ZNF708: variants seen among roughly 807,000 people sequenced by gnomAD.
ZNF708 encodes zinc finger protein 708, also known as ZNF15, ZNF15L1.
In ZNF708, 44 loss-of-function variants were observed where a neutral mutation model predicts 47.0. The ratio of observed to expected loss-of-function variants is 0.94; its 90% CI spans 0.74 to 1.20. The LOEUF (loss-of-function observed/expected upper bound fraction) is 1.20, where lower values mean the gene tolerates loss of function less well. ZNF708 is among the 50% of genes most tolerant of loss of function. The pLI is 0.00. For synonymous variants in ZNF708, 184 were observed against 218.5 expected, an observed-to-expected ratio of 0.84 and a Z score of 1.39; for missense variants, 557 against 656.0, an observed-to-expected ratio of 0.85 and a Z score of 1.65.
At chr19:21,296,374 C>T (rs1416906233) in intron 3 of ZNF708, among the ~76,000 whole-genome samples, 3 of 151,898 alleles carry the variant, frequency 2.0e-5, no homozygotes, top group African/African-American at 7.3e-5. Flanking sequence ...TGGTCACGTG[C>T]CCCTGTAATC....
chr19:21,292,618 T>C lies in ZNF708; in HGVS notation c.*656A>G, dbSNP rs598959. On this transcript the variant is annotated 3_prime_UTR_variant, in exon 4 of 4. Transcript: ENST00000356929. ...TGTGATACAAATAAAGGTATTACAA[T>C]CCTCTTTTATTTGTAATGTTTGTCT... 145,656 of 152,448 alleles carry C rather than the reference T, an allele frequency of 0.96. 69,855 individuals carry two copies. The highest frequency in any genetic ancestry group is 1 in the Middle Eastern group (293 of 294). The allele number at this position is 152,448 out of a possible 1,614,324, so 9.4% of individuals were successfully genotyped here.
chr19:21,327,062 GATTAAT>G (rs1376521426), intron 1 of ZNF708, among the ~76,000 whole-genome samples: 4 of 151,890 alleles, frequency 2.6e-5, no homozygotes, highest in Non-Finnish European at 5.9e-5. Context: ...TAAAATACAT[GATTAAT>G]ATTAATTTTT....
Position 21,293,258 on chromosome 19 carries a change from T to C in ZNF708, c.*16A>G. The C allele has an allele frequency of 6.3e-7, 1 of 1,590,174 alleles. No individual in the cohort carries two copies. The highest frequency in any genetic ancestry group is 8.5e-7 in the Non-Finnish European group (1 of 1,170,378). ...GTTTTAATAAAAGTTGAAAATACAC[T>C]AAAGGATTTGACACATTATTTACAT... is the stretch of plus-strand genomic sequence containing the variant. On this transcript the variant is annotated 3_prime_UTR_variant, in exon 4 of 4. Transcript: ENST00000356929.
At chr19:21,309,539 C>A (rs139450392) in intron 2 of ZNF708, among the ~76,000 whole-genome samples, 198 bp from the exon 3 acceptor site, 1 of 151,950 alleles carries the variant, frequency 6.6e-6, no homozygotes, top group Non-Finnish European at 1.5e-5. Flanking sequence ...AAAACCTTGT[C>A]TCTACTGAAA....
chr19:21,321,279 G>C (rs1016154844), intron 1 of ZNF708, among the ~76,000 whole-genome samples: 5 of 152,018 alleles, frequency 3.3e-5, no homozygotes, highest in African/African-American at 1.2e-4. Context: ...AGGCCTACTT[G>C]AGGGTGGAAG....
At chr19:21,298,729 T>C (rs913408732) in intron 3 of ZNF708, among the ~76,000 whole-genome samples, 3 of 152,168 alleles carry the variant, frequency 2.0e-5, no homozygotes, top group African/African-American at 7.2e-5. Context: ...ACATGAACTT[T>C]CACATATATG....
Position 21,294,646 on chromosome 19 carries a change from C to A in ZNF708, c.320G>T (p.Gly107Val), listed in dbSNP as rs1286509212. 12 of 1,613,366 alleles carry A rather than the reference C, an allele frequency of 7.4e-6. No homozygotes were observed. The highest frequency in any genetic ancestry group is 1.0e-5 in the Non-Finnish European group (12 of 1,179,854). Residue 107 changes from glycine to valine, a missense_variant, in exon 4 of 4, where the codon GGA becomes GTA. Coordinates refer to ENST00000356929, the MANE Select transcript of ZNF708 (RefSeq NM_021269.3). ...QVILRRYGKCGYQKGCKSVDE... is the reference protein window; with the variant it reads ...QVILRRYGKCVYQKGCKSVDE... ...CACACTTTTACAGCCTTTCTGATATCCACATTTTCCATATCTTCTCAGTAT... is the reference window on the plus strand; with the variant it reads ...CACACTTTTACAGCCTTTCTGATATACACATTTTCCATATCTTCTCAGTAT...
chr19:21,310,455 ATAAT>A (rs753284972), intron 2 of ZNF708, 42 bp downstream of exon 2: 8 of 791,784 alleles, frequency 1.0e-5, no homozygotes, highest in South Asian at 7.3e-5. Flanking sequence ...AAAAAAAAAA[ATAAT>A]AATAAATAAT....
intron 3 of ZNF708, among the ~76,000 whole-genome samples, chr19:21,300,240 T>C (rs963996356): frequency 6.8e-6 from 1 of 146,248 alleles, no homozygotes; most frequent in East Asian, 2.0e-4. Context: ...CTGGGCACGG[T>C]GGCTCACGCC....
chr19:21,324,273 T>C (rs998558786), intron 1 of ZNF708, among the ~76,000 whole-genome samples: 13 of 145,038 alleles, frequency 9.0e-5, no homozygotes, highest in African/African-American at 3.3e-4. Context: ...GTTTAAAAAA[T>C]CCAGCGTTTC....
Position 21,292,978 on chromosome 19 carries a change from TTTATG to T in ZNF708, c.*291_*295del. ...AAAGTTCCTCACCAGTATGATTTAT[TTTATG>T]TTTAGAAAAGTTTGAGGTGTTGTCA... On this transcript the variant is annotated 3_prime_UTR_variant, in exon 4 of 4. Transcript: ENST00000356929. 1 of 276,320 alleles carries T rather than the reference TTTATG, an allele frequency of 3.6e-6. No homozygotes were observed. Among genetic ancestry groups the T allele is most frequent in the South Asian group, 6.2e-5 (1 of 16,006 alleles). The allele number at this position is 276,320 out of a possible 1,614,324, so 17.1% of individuals were successfully genotyped here.
rs769389106 is a variant in ZNF708 at position 21,294,481 on chromosome 19, T to C, written c.485A>G (p.His162Arg). The C allele has an allele frequency of 4.3e-6, 7 of 1,614,050 alleles. No individual in the cohort carries two copies. Among genetic ancestry groups the C allele is most frequent in the Non-Finnish European group, 5.1e-6 (6 of 1,180,004 alleles). The change falls in exon 4 of 4, where the codon CAT becomes CGT. Residue 162 changes from histidine (H) to arginine (R), a missense_variant. His to Arg is a conservative substitution (Grantham distance 29). Transcript: ENST00000356929. ...ACATTTGAAAGGATTTTTTCCAGTA[T>C]GTCTTATCTTATGTCTCTTTGCATT... ...YSNAKRHKIR[H>R]TGKNPFKCKE...
chr19:21,320,945 T>G (rs1445804456), intron 1 of ZNF708, among the ~76,000 whole-genome samples: 1 of 151,158 alleles, frequency 6.6e-6, no homozygotes, highest in East Asian at 2.0e-4. Context: ...ATCGAGACCA[T>G]CCCAGCTAAT....
intron 1 of ZNF708, among the ~76,000 whole-genome samples, chr19:21,316,469 T>C (rs1973014899): frequency 6.6e-6 from 1 of 152,140 alleles, no homozygotes; most frequent in Admixed American, 6.5e-5. Context: ...ATTCAGAAAT[T>C]GGAGCTGCAG....
In ZNF708 at chr19:21,291,676, C is replaced by T. The variant is rs2145139863; in HGVS notation, c.*1598G>A. On this transcript the variant is annotated 3_prime_UTR_variant, in exon 4 of 4. Transcript: ENST00000356929. ...GGTCAGGAGTTCAAGACTACCCTGA[C>T]CAATATGGTGAAACCCCGTCCCTAC... is the stretch of plus-strand genomic sequence containing the variant. The T allele has an allele frequency of 6.6e-6, 1 of 152,178 alleles. No individual in the cohort carries two copies. Among genetic ancestry groups the T allele is most frequent in the South Asian group, 2.1e-4 (1 of 4,794 alleles). 9.4% of individuals were successfully genotyped at this position (152,178 alleles called of 1,614,324 possible). A position where few individuals can be genotyped will look rare whatever the true frequency, so the allele number is the denominator to read the frequency against.
In ZNF708 at chr19:21,291,307, A is replaced by G. The variant is rs1849484749; in HGVS notation, c.*1967T>C. 1.3e-5 allele frequency: 2 copies of G among 152,170 alleles called. No homozygotes were observed. The highest frequency in any genetic ancestry group is 4.2e-4 in the South Asian group (2 of 4,806). The allele number at this position is 152,170 out of a possible 1,614,324, so 9.4% of individuals were successfully genotyped here. A position where few individuals can be genotyped will look rare whatever the true frequency, so the allele number is the denominator to read the frequency against. ...AAACACCTACCTCATGCACCACTCA[A>G]TATCATAATTAACCACAAATACCAT... On this transcript the variant is annotated 3_prime_UTR_variant, in exon 4 of 4. Transcript: ENST00000356929.
At position 21,297,382 on chromosome 19, in the gene ZNF708, G is replaced by A. The variant is rs181936110; in HGVS notation, c.227-2643C>T. Among the ~76,000 whole-genome samples, 499 of 145,188 alleles carry A rather than the reference G, an allele frequency of 3.4e-3. 2 individuals are homozygous for A. The highest frequency in any genetic ancestry group is 0.012 in the African/African-American group (460 of 39,580). On this transcript the variant is annotated intron_variant, in intron 3 of 3. Transcript: ENST00000356929. ...CATTTCCCGGATTCAAGCAACTGTG[G>A]TGCAAATAAGGTTAATTTTTACTAC...
chr19:21,311,605 G>C (rs1599681296), intron 1 of ZNF708, among the ~76,000 whole-genome samples: 1 of 152,010 alleles, frequency 6.6e-6, no homozygotes, highest in Non-Finnish European at 1.5e-5. Flanking sequence ...ATTTTAGGTA[G>C]ACATCTTGAG....
At chr19:21,317,387 G>T (rs1973037511) in intron 1 of ZNF708, among the ~76,000 whole-genome samples, 1 of 152,146 alleles carries the variant, frequency 6.6e-6, no homozygotes, top group South Asian at 2.1e-4. Flanking sequence ...GAGGACAATA[G>T]ATACCAAATA....
Sources: allele counts gnomAD v4.1 joint callset (sites outside exome capture counted in the v4.1 genomes callset), GRCh38; gene constraint gnomAD v4.1.1; transcripts MANE v1.5; gene names NCBI Gene and HGNC (gene_info 2026-07-23, HGNC 2026-07-21).